Variants in SMYD3 observed in about 807,000 individuals in gnomAD.
SMYD3 encodes SET and MYND domain containing 3, also known as histone-lysine N-methyltransferase SMYD3.
A neutral mutation model predicts 57.7 loss-of-function variants in SMYD3; 36 were observed. That is an observed-to-expected ratio of 0.62 (90% CI 0.48 to 0.82). The LOEUF is 0.82. Ranked by LOEUF, SMYD3 falls within the 40% of genes least tolerant of loss-of-function variation. SMYD3 has a pLI of 0.00. For synonymous variants in SMYD3, 211 were observed against 195.0 expected (o/e 1.08, Z -0.68); for missense variants, 515 against 538.8 (o/e 0.96, Z 0.44).
intron 8 of SMYD3, among the ~76,000 whole-genome samples, chr1:245,879,281 C>T (rs2052647586): frequency 6.6e-6 from 1 of 152,224 alleles, no homozygotes; most frequent in Non-Finnish European, 1.5e-5. Context: ...ACTAGATGAC[C>T]TACCTCATAG....
intron 5 of SMYD3, among the ~76,000 whole-genome samples, chr1:246,164,689 C>T (rs570195330): frequency 2.8e-4 from 43 of 152,316 alleles, no homozygotes; most frequent in African/African-American, 8.9e-4. Context: ...ACGTGTGCCA[C>T]GTGCCAGGCA....
At chr1:246,305,732 A>G (rs1396368757) in intron 5 of SMYD3, among the ~76,000 whole-genome samples, 1 of 152,208 alleles carries the variant, frequency 6.6e-6, no homozygotes, top group Non-Finnish European at 1.5e-5. Context: ...ATGAAGGAAT[A>G]AAAAAACATT....
In SMYD3 at chr1:246,086,892, C is replaced by T. The variant is rs977522380; in HGVS notation, c.532-156955G>A. Among the ~76,000 whole-genome samples, 43 of 152,016 alleles carry T rather than the reference C, an allele frequency of 2.8e-4. 1 individual carries two copies. The highest frequency in any genetic ancestry group is 1.0e-4 in the Non-Finnish European group (7 of 68,008). On this transcript the variant is annotated intron_variant, in intron 5 of 11. Coordinates refer to ENST00000490107, the MANE Select transcript of SMYD3 (RefSeq NM_001167740.2). ...GATGCTCTCCCTCCCCTCGCCCTTC[C>T]GACAGGCCCAGTGTGTGTTGTTCCC... is the stretch of plus-strand genomic sequence containing the variant.
rs1367184255 is a variant in SMYD3, at chr1:245,915,598, G to A, written c.745C>T (p.Arg249Cys). The A allele has an allele frequency of 4.3e-6, 7 of 1,613,968 alleles. No homozygotes were observed. In the Admixed American group the frequency reaches 5.0e-5, roughly 12 times the overall value. ...YLDMLMTSEERRKQLRDQYCF... is the reference protein window; with the variant it reads ...YLDMLMTSEECRKQLRDQYCF... ...TACTGGTCCCTCAGCTGCTTCCGGC[G>A]CTCCTCACTGGTCATCAGCATATCC... is the stretch of plus-strand genomic sequence containing the variant. The change falls in exon 8 of 12, where the codon CGC becomes TGC. Residue 249 changes from arginine to cysteine, a missense_variant. Arg to Cys is a radical substitution (Grantham distance 180). Transcript: ENST00000490107.
intron 10 of SMYD3, among the ~76,000 whole-genome samples, chr1:245,788,132 T>G (rs2047121457): frequency 6.6e-6 from 1 of 150,406 alleles, no homozygotes; most frequent in Non-Finnish European, 1.5e-5. Flanking sequence ...GAGTCCAGAT[T>G]AACACAGGGA....
rs186376427 is a variant in SMYD3, at chr1:245,770,716, T to A, written c.1077-6567A>T. Among the ~76,000 whole-genome samples the A allele has an allele frequency of 1.1e-4, 17 of 152,326 alleles. No homozygotes were observed. The East Asian group carries it at 3.1e-3, about 28-fold the overall frequency. Reference sequence around the variant, plus strand: ...AGGTACTGAAATGGTAAGGTTCTCATACACAGACTTTAAAATAGCTCATAA... The same window carrying A: ...AGGTACTGAAATGGTAAGGTTCTCAAACACAGACTTTAAAATAGCTCATAA... On this transcript the variant is annotated intron_variant, in intron 10 of 11. Transcript: ENST00000490107.
rs1055048147 is a variant in SMYD3 at position 245,920,107 on chromosome 1, A to C, written c.703-4467T>G. The stretch of plus-strand genomic sequence containing the variant: ...GGCGGTAGGATCACGAGGTCAGGAG[A>C]TTGAGACCATCCTGGCTAACACGGT... On this transcript the variant is annotated intron_variant, in intron 7 of 11. Transcript: ENST00000490107. 1.0e-3 allele frequency among the ~76,000 whole-genome samples: 154 copies of C among 152,198 alleles called. 3 individuals are homozygous for C. Among genetic ancestry groups the C allele is most frequent in the African/African-American group, 3.6e-3 (151 of 41,528 alleles).
At chr1:246,115,956 T>C (rs1320168778) in intron 5 of SMYD3, among the ~76,000 whole-genome samples, 1 of 151,790 alleles carries the variant, frequency 6.6e-6, no homozygotes, top group Non-Finnish European at 1.5e-5. Context: ...CTGGCCAACA[T>C]GGTGAAACCC....
At chr1:246,207,306 G>A (rs988919843) in intron 5 of SMYD3, among the ~76,000 whole-genome samples, 1 of 151,942 alleles carries the variant, frequency 6.6e-6, no homozygotes, top group African/African-American at 2.4e-5. Context: ...ATTACTTATT[G>A]TCTGGATGCA....
At chr1:246,308,932 T>C (rs939804331) in intron 5 of SMYD3, among the ~76,000 whole-genome samples, 1 of 152,130 alleles carries the variant, frequency 6.6e-6, no homozygotes, top group Non-Finnish European at 1.5e-5. Flanking sequence ...ATCTAAAAAA[T>C]GTAAAATTAC....
At chr1:245,805,258 A>G (rs957066633) in intron 10 of SMYD3, among the ~76,000 whole-genome samples, 3 of 151,668 alleles carry the variant, frequency 2.0e-5, no homozygotes, top group Non-Finnish European at 2.9e-5. Context: ...TGTTGATAAT[A>G]TAAGAGAGGG....
chr1:246,407,655 A>G (rs1312259076), intron 1 of SMYD3, among the ~76,000 whole-genome samples: 1 of 152,072 alleles, frequency 6.6e-6, no homozygotes, highest in African/African-American at 2.4e-5. Context: ...CAGCCTGGCC[A>G]ACATGGTGAA....
intron 5 of SMYD3, among the ~76,000 whole-genome samples, chr1:246,267,163 C>T (rs4421561): frequency 0.35 from 53,000 of 151,934 alleles, 10,341 homozygotes; most frequent in East Asian, 0.79. Flanking sequence ...AATAAATGTG[C>T]ATAGCCTGAA....
intron 8 of SMYD3, 95 bp from the exon 9 acceptor site, chr1:245,863,981 G>T: frequency 2.7e-6 from 3 of 1,128,420 alleles, no homozygotes; most frequent in African/African-American, 1.5e-5. Flanking sequence ...TGGCCTGCAA[G>T]CCCCTGAAAA....
intron 1 of SMYD3, among the ~76,000 whole-genome samples, chr1:246,457,737 G>A (rs1423475695): frequency 2.0e-5 from 3 of 152,088 alleles, no homozygotes; most frequent in Non-Finnish European, 4.4e-5. Context: ...TATACAAGCT[G>A]TGCGTACAGC....
chr1:246,421,235 T>G (rs1395903766), intron 1 of SMYD3, among the ~76,000 whole-genome samples: 1 of 151,930 alleles, frequency 6.6e-6, no homozygotes, highest in Non-Finnish European at 1.5e-5. Context: ...AAACTACCAA[T>G]AAGGCTAAAG....
intron 2 of SMYD3, among the ~76,000 whole-genome samples, chr1:246,336,697 A>G (rs1184719358): frequency 6.6e-6 from 1 of 152,224 alleles, no homozygotes; most frequent in African/African-American, 2.4e-5. Flanking sequence ...TTTTCGTAAC[A>G]ATCCAAATGG....
At chr1:246,175,890 A>C (rs1397311438) in intron 5 of SMYD3, among the ~76,000 whole-genome samples, 1 of 152,224 alleles carries the variant, frequency 6.6e-6, no homozygotes, top group African/African-American at 2.4e-5. Flanking sequence ...GCAGACACAG[A>C]ATAAAAACTT....
intron 1 of SMYD3, among the ~76,000 whole-genome samples, chr1:246,377,904 C>T (rs1313603579): frequency 2.0e-5 from 3 of 152,140 alleles, no homozygotes; most frequent in African/African-American, 4.8e-5. Flanking sequence ...ATGAGAGTTC[C>T]CCTAAATCTG....
Sources: gnomAD v4.1 joint callset for allele counts (sites outside exome capture counted in the v4.1 genomes callset) on GRCh38, gnomAD v4.1.1 for gene constraint, MANE v1.5 for transcripts, NCBI Gene and HGNC (gene_info 2026-07-23, HGNC 2026-07-21) for gene names.